The following GABRG3 variants were observed in gnomAD, a reference collection of about 807,000 sequenced individuals.
The protein encoded by GABRG3 is gamma-aminobutyric acid type A receptor subunit gamma3.
Under a neutral mutation model 48.8 loss-of-function variants are expected in GABRG3, and 25 were observed. The observed-to-expected ratio is 0.51, with a 90% CI of 0.37 to 0.72. GABRG3 has a LOEUF of 0.72. Ranked by LOEUF, GABRG3 falls within the 30% of genes least tolerant of loss-of-function variation. GABRG3 has a pLI of 0.00. For missense variants in GABRG3, 394 were observed against 577.9 expected (o/e 0.68, Z 3.26); for synonymous variants, 227 against 217.6 (o/e 1.04, Z -0.38).
At chr15:27,183,682 G>T (rs539801649) in intron 3 of GABRG3, among the ~76,000 whole-genome samples, 5 of 152,304 alleles carry the variant, frequency 3.3e-5, no homozygotes, top group African/African-American at 1.2e-4. Flanking sequence ...AGTATAAAGA[G>T]CAGAGAGTTG....
intron 2 of GABRG3, among the ~76,000 whole-genome samples, chr15:26,984,348 T>C (rs1000796242): frequency 6.6e-6 from 1 of 152,166 alleles, no homozygotes; most frequent in African/African-American, 2.4e-5. Flanking sequence ...CAATTGTGCA[T>C]CACTGTTATT....
At chr15:27,156,407 T>C (rs1001295694) in intron 3 of GABRG3, among the ~76,000 whole-genome samples, 1 of 152,060 alleles carries the variant, frequency 6.6e-6, no homozygotes, top group African/African-American at 2.4e-5. Context: ...TGAGAATTTT[T>C]AAAATTCCCA....
intron 3 of GABRG3, among the ~76,000 whole-genome samples, chr15:27,058,258 G>C (rs1007484133): frequency 2.0e-5 from 3 of 152,160 alleles, no homozygotes; most frequent in Non-Finnish European, 4.4e-5. Context: ...TCCCATTTAC[G>C]GTGCATCTGA....
Position 27,139,190 on chromosome 15 carries a change from A to T in GABRG3, c.270+112369A>T, listed in dbSNP as rs573866859. Among the ~76,000 whole-genome samples the T allele has an allele frequency of 5.3e-5, 8 of 152,288 alleles. No individual in the cohort carries two copies. The South Asian group carries it at 1.7e-3, about 32-fold the overall frequency. On this transcript the variant is annotated intron_variant, in intron 3 of 9. Transcript: ENST00000615808. The stretch of plus-strand genomic sequence containing the variant: ...CGGAGCATGGCTCAGTCCAAGCCTG[A>T]AGGCCTTAGACCCAGGGAAGCTGAT...
chr15:27,238,731 A>G (rs74452857), intron 3 of GABRG3, among the ~76,000 whole-genome samples: 2,471 of 152,264 alleles, frequency 0.016, 86 homozygotes, highest in African/African-American at 0.057. Flanking sequence ...ATATTTTCGA[A>G]CTTTTCAGTC....
chr15:27,300,472 T>C (rs960813252), intron 3 of GABRG3, among the ~76,000 whole-genome samples: 2 of 149,088 alleles, frequency 1.3e-5, no homozygotes, highest in Admixed American at 1.3e-4. Flanking sequence ...GAGACCAGCC[T>C]GACCAACATG....
intron 5 of GABRG3, among the ~76,000 whole-genome samples, chr15:27,329,848 T>C (rs1893745576): frequency 1.3e-5 from 2 of 152,262 alleles, no homozygotes; most frequent in Non-Finnish European, 2.9e-5. Context: ...TGGAAAGATA[T>C]CTGGTGAATG....
chr15:27,097,235 G>C (rs917351111), intron 3 of GABRG3, among the ~76,000 whole-genome samples: 1 of 151,972 alleles, frequency 6.6e-6, no homozygotes, highest in East Asian at 1.9e-4. Context: ...CCCGCTGCTG[G>C]GCATGTAAGA....
chr15:27,333,600 C>G (rs1440343682), intron 5 of GABRG3, among the ~76,000 whole-genome samples: 1 of 152,164 alleles, frequency 6.6e-6, no homozygotes, highest in Non-Finnish European at 1.5e-5. Context: ...TTACTCACAT[C>G]TTTGAAGTCC....
intron 3 of GABRG3, among the ~76,000 whole-genome samples, chr15:27,234,521 C>A (rs1451708617): frequency 6.6e-6 from 1 of 152,174 alleles, no homozygotes; most frequent in Non-Finnish European, 1.5e-5. Context: ...ATGTAATAGG[C>A]AAGCTGTGTG....
chr15:27,316,171 T>G (rs1248775551), intron 3 of GABRG3, among the ~76,000 whole-genome samples: 2 of 151,680 alleles, frequency 1.3e-5, no homozygotes, highest in African/African-American at 4.8e-5. Flanking sequence ...GATCACGAGG[T>G]CAGGAAATCG....
At chr15:27,279,865 T>G (rs770437762) in intron 3 of GABRG3, among the ~76,000 whole-genome samples, 2 of 152,202 alleles carry the variant, frequency 1.3e-5, no homozygotes, top group Non-Finnish European at 2.9e-5. Context: ...TCTGAAATAT[T>G]GAATCTTCCA....
At position 26,976,882 on chromosome 15, in the gene GABRG3, T is replaced by G. The variant is rs1171014018; in HGVS notation, c.54-120T>G. The G allele has an allele frequency of 1.1e-6, 1 of 904,138 alleles. No homozygotes were observed. The highest frequency in any genetic ancestry group is 2.6e-5 in the Admixed American group (1 of 37,978). 56.0% of individuals were successfully genotyped at this position (904,138 alleles called of 1,614,324 possible). ...TATTTTCGGGTTTTCACGTGTGTGG[T>G]TGGGCTGTGGGTACTGGGGACTTTC... On this transcript the variant is annotated intron_variant, in intron 1 of 9. Coordinates refer to ENST00000615808, the MANE Select transcript of GABRG3 (RefSeq NM_033223.5). This position sits in a 1 kb window ranked among gnomAD's most constrained non-coding sequence, Gnocchi z 7.8.
intron 5 of GABRG3, among the ~76,000 whole-genome samples, chr15:27,415,161 C>T (rs1012777245): frequency 5.9e-5 from 9 of 151,872 alleles, no homozygotes; most frequent in Admixed American, 5.2e-4. Context: ...CCTCATATTC[C>T]CATTATGCAT....
intron 3 of GABRG3, among the ~76,000 whole-genome samples, chr15:27,084,381 A>G (rs1566930489): frequency 6.6e-6 from 1 of 152,200 alleles, no homozygotes; most frequent in Non-Finnish European, 1.5e-5. Flanking sequence ...CTACCTGGCA[A>G]GGTGCCTCCA....
chr15:27,247,321 C>T (rs968533814), intron 3 of GABRG3, among the ~76,000 whole-genome samples: 2 of 152,066 alleles, frequency 1.3e-5, no homozygotes, highest in African/African-American at 2.4e-5. Context: ...AGTGCTCCTG[C>T]CACTCTCTTC....
Position 27,326,888 on chromosome 15 carries a change from C to G in GABRG3, c.350C>G (p.Thr117Ser). 1 of 1,613,994 alleles carries G rather than the reference C, an allele frequency of 6.2e-7. No individual in the cohort carries two copies. The highest frequency in any genetic ancestry group is 8.5e-7 in the Non-Finnish European group (1 of 1,179,882). Residue 117 changes from threonine to serine, a missense_variant, in exon 4 of 10, where the codon ACT (threonine) becomes AGT (serine). By Grantham distance (58) the Thr-to-Ser change is moderately conservative. Transcript: ENST00000615808. ...TTCAACAGCACAATGAAAATTCTTA[C>G]TCTGAACAGCAACATGGTGGGGTTA... ...LRFNSTMKILTLNSNMVGLIW... is the reference protein window; with the variant it reads ...LRFNSTMKILSLNSNMVGLIW...
chr15:27,391,028 C>T (rs746019394), intron 5 of GABRG3, among the ~76,000 whole-genome samples: 12 of 151,352 alleles, frequency 7.9e-5, no homozygotes, highest in Non-Finnish European at 1.5e-4. Flanking sequence ...ACAGGAGTTG[C>T]GGTGAGCCAA....
chr15:27,131,269 T>A (rs2140382900), intron 3 of GABRG3, among the ~76,000 whole-genome samples: 1 of 152,238 alleles, frequency 6.6e-6, no homozygotes, highest in Admixed American at 6.5e-5. Flanking sequence ...TGTCATATAC[T>A]TTTTCTGCAT....
Sources: allele counts gnomAD v4.1 joint callset (sites outside exome capture counted in the v4.1 genomes callset), GRCh38; gene constraint gnomAD v4.1.1; non-coding constraint Gnocchi (gnomAD v3.1); transcripts MANE v1.5; gene names NCBI Gene and HGNC (gene_info 2026-07-23, HGNC 2026-07-21).